Variants in OR51B5 observed in about 807,000 individuals in gnomAD.
OR51B5 encodes olfactory receptor family 51 subfamily B member 5.
For synonymous variants in OR51B5, 186 were observed against 144.8 expected, an observed-to-expected ratio of 1.28 and a Z score of -2.04; for missense variants, 456 against 374.6, an observed-to-expected ratio of 1.22 and a Z score of -1.79.
At chr11:5,501,937 G>GC (rs1490779267) in intron 1 of OR51B5, among the ~76,000 whole-genome samples, 2 of 120,998 alleles carry the variant, frequency 1.7e-5, no homozygotes, top group East Asian at 4.4e-4. Context: ...CCCCCGACAG[G>GC]CCCGGTGTGT....
chr11:5,384,803 G>A (rs1221115700), intron 1 of OR51B5, among the ~76,000 whole-genome samples: 2 of 152,284 alleles, frequency 1.3e-5, no homozygotes, highest in East Asian at 1.9e-4. Context: ...AACTTCCCCA[G>A]TATCCAGGAT....
At chr11:5,383,881 C>A (rs959211317) in intron 1 of OR51B5, 1 of 152,274 alleles carries the variant, frequency 6.6e-6, no homozygotes, top group African/African-American at 2.4e-5. Flanking sequence ...CCTTTGGAAC[C>A]TACTCATTGG....
chr11:5,342,435 T>C, downstream of OR51B5: 1 of 961,334 alleles, frequency 1.0e-6, no homozygotes, highest in Non-Finnish European at 1.5e-6. Context: ...GAGTTGGGCT[T>C]AAAGAGATAC....
At chr11:5,464,701 G>T (rs1184360877) in intron 1 of OR51B5, among the ~76,000 whole-genome samples, 3 of 152,042 alleles carry the variant, frequency 2.0e-5, no homozygotes, top group African/African-American at 7.2e-5. Flanking sequence ...GGACATTTGG[G>T]TTGGTTCCAA....
intron 1 of OR51B5, chr11:5,489,103 T>A (rs774397439): frequency 6.2e-7 from 1 of 1,613,982 alleles, no homozygotes; most frequent in Non-Finnish European, 8.5e-7. Context: ...CTGTAACCCA[T>A]TAAGGTACAC....
intron 1 of OR51B5, among the ~76,000 whole-genome samples, chr11:5,465,489 C>T (rs1355054922): frequency 1.3e-4 from 20 of 151,676 alleles, no homozygotes; most frequent in African/African-American, 2.4e-4. Context: ...AAAAAGAGCC[C>T]CCATCACCAA....
rs1390757742 is a variant in OR51B5 at position 5,482,167 on chromosome 11, A to G, written n.84+23402T>C. Among the ~76,000 whole-genome samples, 10 of 108,376 alleles carry G rather than the reference A, an allele frequency of 9.2e-5. 1 individual carries two copies. Among genetic ancestry groups the G allele is most frequent in the Non-Finnish European group, 1.8e-4 (10 of 55,912 alleles). The allele number at this position is 108,376 out of a possible 152,430, so 71.1% of individuals were successfully genotyped here. On this transcript the variant is annotated intron_variant and non_coding_transcript_variant, in intron 1 of 4. Coordinates refer to the OR51B5 transcript ENST00000415970. ...TGGTACCAAAACAGAGATATAGATC[A>G]ATGGAACAGAACAGAGCCCTCAGAA... is the stretch of plus-strand genomic sequence containing the variant.
At chr11:5,418,737 G>T (rs902820372) in intron 1 of OR51B5, among the ~76,000 whole-genome samples, 1 of 151,944 alleles carries the variant, frequency 6.6e-6, no homozygotes, top group East Asian at 1.9e-4. Flanking sequence ...GGGGGATGGG[G>T]GGTTAGGGGA....
chr11:5,488,570 GA>G (rs1316330966), intron 1 of OR51B5: 1 of 686,962 alleles, frequency 1.5e-6, no homozygotes, highest in African/African-American at 1.8e-5. Context: ...TTGTACAAGT[GA>G]AAAACAAATT....
rs1397864281 is a variant in OR51B5 at position 5,489,420 on chromosome 11, C to T, written n.84+16149G>A. 5.6e-6 allele frequency: 9 copies of T among 1,613,744 alleles called. No individual in the cohort carries two copies. The African/African-American group carries it at 1.1e-4, about 19-fold the overall frequency. On this transcript the variant is annotated intron_variant and non_coding_transcript_variant, in intron 1 of 4. Coordinates refer to the OR51B5 transcript ENST00000415970. The stretch of plus-strand genomic sequence containing the variant: ...ATCTTCCATCTCATGATGCCCAGCA[C>T]AAAGCTCTGAGTACCTGTGGCTCCC...
intron 1 of OR51B5, chr11:5,468,832 G>A (rs1252356425): frequency 9.0e-6 from 4 of 445,646 alleles, no homozygotes; most frequent in Non-Finnish European, 1.8e-5. Flanking sequence ...ACATGCTGTT[G>A]ATGGTAGTGT....
At chr11:5,481,595 TG>T (rs1564828221) in intron 1 of OR51B5, among the ~76,000 whole-genome samples, 1 of 150,490 alleles carries the variant, frequency 6.6e-6, no homozygotes, top group Non-Finnish European at 1.5e-5. Context: ...GACATGAATG[TG>T]TATCTAGAAA....
At chr11:5,395,893 A>C (rs1228402684) in intron 1 of OR51B5, among the ~76,000 whole-genome samples, 1 of 152,202 alleles carries the variant, frequency 6.6e-6, no homozygotes, top group African/African-American at 2.4e-5. Flanking sequence ...GCTCACTGGA[A>C]TGCTGGAAAG....
intron 1 of OR51B5, among the ~76,000 whole-genome samples, chr11:5,464,492 T>C (rs911287109): frequency 1.4e-5 from 2 of 142,992 alleles, no homozygotes; most frequent in African/African-American, 5.1e-5. Flanking sequence ...TGTGTCCATG[T>C]GATCTCATTG....
intron 1 of OR51B5, among the ~76,000 whole-genome samples, chr11:5,446,352 G>T (rs1982989): frequency 8.0e-4 from 122 of 151,802 alleles, no homozygotes; most frequent in African/African-American, 2.5e-3. Flanking sequence ...GTAGAATTTA[G>T]GTCATAAGTA....
At chr11:5,342,443 TACCTTAGGGA>T, downstream of OR51B5, 1 of 1,020,984 alleles carries the variant, frequency 9.8e-7, no homozygotes, top group South Asian at 2.0e-5. Flanking sequence ...CTTAAAGAGA[TACCTTAGGGA>T]AACTTGAAGC....
At position 5,361,353 on chromosome 11, in the gene OR51B5, G is replaced by T. The variant is rs189229425; in HGVS notation, n.85-14443C>A. 3.3e-5 allele frequency among the ~76,000 whole-genome samples: 5 copies of T among 152,240 alleles called. No homozygotes were observed. The East Asian group carries it at 9.7e-4, about 29-fold the overall frequency. ...AAAGAAGGAGGGAGGAGAGAGGAGT[G>T]GGCCGTAGGGAGGAGTTTCTGAAAC... On this transcript the variant is annotated intron_variant and non_coding_transcript_variant, in intron 1 of 4. Transcript: ENST00000415970.
chr11:5,398,339 G>A (rs1190132145), intron 1 of OR51B5, among the ~76,000 whole-genome samples: 1 of 152,158 alleles, frequency 6.6e-6, no homozygotes, highest in Non-Finnish European at 1.5e-5. Context: ...GATATTGAGA[G>A]AGGCTAATGT....
upstream of OR51B5, among the ~76,000 whole-genome samples, chr11:5,345,498 C>A (rs1408365324): frequency 6.6e-6 from 1 of 152,008 alleles, no homozygotes; most frequent in African/African-American, 2.4e-5. Flanking sequence ...TCTGTTTGAA[C>A]AAATGAAAGA....
Sources: gnomAD v4.1 joint callset for allele counts (sites outside exome capture counted in the v4.1 genomes callset) on GRCh38, gnomAD v4.1.1 for gene constraint, MANE v1.5 for transcripts, NCBI Gene and HGNC (gene_info 2026-07-23, HGNC 2026-07-21) for gene names.